IGLL5: variants seen among roughly 807,000 people sequenced by gnomAD.
The protein encoded by IGLL5 is immunoglobulin lambda like polypeptide 5.
Under a neutral mutation model 20.9 loss-of-function variants are expected in IGLL5, and 30 were observed. That is an observed-to-expected ratio of 1.44 (90% CI 1.07 to 1.95). The LOEUF is 1.95. Among genes scored for constraint, IGLL5 ranks in the 30% most tolerant of loss-of-function variants. IGLL5 has a pLI of 0.00. For synonymous variants in IGLL5, 203 were observed against 117.3 expected (o/e 1.73, Z -4.72); for missense variants, 475 against 270.7 (o/e 1.75, Z -5.30).
intron 1 of IGLL5, among the ~76,000 whole-genome samples, chr22:22,889,017 A>G (rs531490439): frequency 4.0e-5 from 6 of 151,394 alleles, no homozygotes; most frequent in African/African-American, 7.3e-5. Context: ...GGGAGGCAAG[A>G]AGACCATAGG....
intron 1 of IGLL5, among the ~76,000 whole-genome samples, chr22:22,889,467 G>C (rs1601608401): frequency 6.6e-6 from 1 of 151,318 alleles, no homozygotes; most frequent in Non-Finnish European, 1.5e-5. Flanking sequence ...AATAATCAAA[G>C]CTGTAACCAA....
intron 1 of IGLL5, among the ~76,000 whole-genome samples, chr22:22,888,728 T>G (rs527957473): frequency 1.3e-5 from 2 of 151,414 alleles, no homozygotes; most frequent in African/African-American, 2.4e-5. Flanking sequence ...CCCCCAAGGC[T>G]GTCTGTTCAC....
chr22:22,894,904 T>G, intron 2 of IGLL5, among the ~76,000 whole-genome samples: 1 of 151,262 alleles, frequency 6.6e-6, no homozygotes, highest in South Asian at 2.1e-4. Context: ...AAAGCAGGCT[T>G]GGGTCTCCCC....
chr22:22,888,685 C>A (rs2145983740), intron 1 of IGLL5, among the ~76,000 whole-genome samples: 1 of 151,376 alleles, frequency 6.6e-6, no homozygotes. Flanking sequence ...GGGGCCACTC[C>A]CTGGAGAAGG....
In IGLL5 at chr22:22,890,597, GTGTA is replaced by G. The variant is rs1424029109; in HGVS notation, c.206+2342_206+2345del. ...TGTGTGTGTGTGTGTGTGTGTGTGT[GTGTA>G]TGTGTACAAAGTGCACTTATATATC... On this transcript the variant is annotated intron_variant, in intron 1 of 2. Transcript: ENST00000526893. Among the ~76,000 whole-genome samples the G allele has an allele frequency of 5.0e-4, 68 of 135,510 alleles. 1 individual carries two copies. The highest frequency in any genetic ancestry group is 1.2e-3 in the African/African-American group (37 of 32,048). The allele number at this position is 135,510 out of a possible 152,430, so 88.9% of individuals were successfully genotyped here.
At chr22:22,894,636 C>T (rs1019578596) in intron 2 of IGLL5, among the ~76,000 whole-genome samples, 5 of 151,104 alleles carry the variant, frequency 3.3e-5, no homozygotes, top group Middle Eastern at 3.8e-3. Flanking sequence ...AACTCCATGG[C>T]TACCAGGTGA....
intron 2 of IGLL5, among the ~76,000 whole-genome samples, chr22:22,894,134 T>C (rs756357480): frequency 2.6e-5 from 4 of 151,410 alleles, no homozygotes; most frequent in Middle Eastern, 3.7e-3. Flanking sequence ...CCCTGCAGTG[T>C]CCTTAGGGAC....
intron 2 of IGLL5, among the ~76,000 whole-genome samples, chr22:22,894,315 C>T (rs1365905853): frequency 2.6e-5 from 4 of 151,284 alleles, no homozygotes; most frequent in South Asian, 2.1e-4. Context: ...CAGAGGTCAC[C>T]CCAAGGGGAG....
chr22:22,895,742 C>T lies in IGLL5; in HGVS notation c.*48C>T. ...ACGGGAGCCTGGAGCTGCAGGATCCCAGGGGAGGGGTCTCTCTCCCCATCC... is the reference window on the plus strand; with the variant it reads ...ACGGGAGCCTGGAGCTGCAGGATCCTAGGGGAGGGGTCTCTCTCCCCATCC... On this transcript the variant is annotated 3_prime_UTR_variant, in exon 3 of 3. Coordinates refer to ENST00000526893, the MANE Select transcript of IGLL5 (RefSeq NM_001178126.2). 6.3e-7 allele frequency: 1 copy of T among 1,584,824 alleles called. No individual in the cohort carries two copies. Among genetic ancestry groups the T allele is most frequent in the Non-Finnish European group, 8.7e-7 (1 of 1,154,230 alleles).
At chr22:22,888,836 G>T (rs1601604386) in intron 1 of IGLL5, among the ~76,000 whole-genome samples, 1 of 151,340 alleles carries the variant, frequency 6.6e-6, no homozygotes, top group African/African-American at 2.4e-5. Context: ...CAGGCCCACG[G>T]CCCATGTTTG....
chr22:22,893,880 T>G (rs1569086673), intron 2 of IGLL5, 62 bp downstream of exon 2: 3 of 1,169,048 alleles, frequency 2.6e-6, no homozygotes, highest in Non-Finnish European at 3.9e-6. Context: ...AAAATCTGTT[T>G]TCTCTCTCTG....
At chr22:22,894,111 T>A (rs935400292) in intron 2 of IGLL5, among the ~76,000 whole-genome samples, 4 of 151,336 alleles carry the variant, frequency 2.6e-5, no homozygotes, top group Admixed American at 2.0e-4. Context: ...CAGAGGCTGG[T>A]TCTGATGAGG....
In IGLL5 at chr22:22,895,495, C is replaced by T. The variant is rs771018846; in HGVS notation, c.446C>T (p.Ala149Val). 6.8e-6 allele frequency: 11 copies of T among 1,612,630 alleles called. No individual in the cohort carries two copies. Among genetic ancestry groups the T allele is most frequent in the Middle Eastern group, 1.7e-4 (1 of 5,746 alleles). Residue 149 changes from alanine to valine, a missense_variant, in exon 3 of 3, where the codon GCC (alanine) becomes GTC (valine). Ala to Val is a moderately conservative substitution (Grantham distance 64). Coordinates refer to ENST00000526893, the MANE Select transcript of IGLL5 (RefSeq NM_001178126.2). ...TTCTACCCGGGAGCTGTGACAGTGGCCTGGAAGGCAGATGGCAGCCCCGTC... is the reference window on the plus strand; with the variant it reads ...TTCTACCCGGGAGCTGTGACAGTGGTCTGGAAGGCAGATGGCAGCCCCGTC... ...SDFYPGAVTVAWKADGSPVKA... is the reference protein window; with the variant it reads ...SDFYPGAVTVVWKADGSPVKA...
intron 2 of IGLL5, among the ~76,000 whole-genome samples, chr22:22,894,896 A>G (rs936421679): frequency 2.0e-5 from 3 of 151,408 alleles, no homozygotes; most frequent in African/African-American, 2.4e-5. Flanking sequence ...TCCAGTTCAA[A>G]GCAGGCTTGG....
intron 1 of IGLL5, among the ~76,000 whole-genome samples, chr22:22,893,281 C>T (rs1218169835): frequency 6.6e-6 from 1 of 151,176 alleles, no homozygotes; most frequent in Non-Finnish European, 1.5e-5. Context: ...ACCGCGTCTC[C>T]ATGGGTAGAA....
intron 2 of IGLL5, 66 bp downstream of exon 2, chr22:22,893,884 C>T (rs540605540): frequency 5.5e-6 from 6 of 1,083,164 alleles, no homozygotes; most frequent in African/African-American, 3.1e-5. Flanking sequence ...TCTGTTTTCT[C>T]TCTCTGGGGC....
Position 22,895,397 on chromosome 22 carries a change from T to A in IGLL5, c.348T>A (p.Thr116=), listed in dbSNP as rs1321041581. The A allele has an allele frequency of 1.2e-6, 2 of 1,612,782 alleles. No individual in the cohort carries two copies. The highest frequency in any genetic ancestry group is 1.7e-6 in the Non-Finnish European group (2 of 1,179,542). The change falls in exon 3 of 3, where the codon ACT becomes ACA. Residue 116 remains threonine, a synonymous_variant. Coordinates refer to ENST00000526893, the MANE Select transcript of IGLL5 (RefSeq NM_001178126.2). The part of the protein sequence containing the change: ...TVLGQPKANP[T]VTLFPPSSEE... ...CAGGTCAGCCCAAGGCCAACCCCAC[T>A]GTCACTCTGTTCCCGCCCTCCTCTG...
chr22:22,888,095 G>T lies in IGLL5; in HGVS notation c.42G>T (p.Glu14Asp), dbSNP rs573017505. 2 of 1,549,436 alleles carry T rather than the reference G, an allele frequency of 1.3e-6. No homozygotes were observed. The highest frequency in any genetic ancestry group is 1.2e-5 in the South Asian group (1 of 83,990). Residue 14 changes from glutamate to aspartate, a missense_variant, in exon 1 of 3, where the codon GAG (glutamate) becomes GAT (aspartate). Glu to Asp is a conservative substitution (Grantham distance 45). Transcript: ENST00000526893. ...KTGQVGCETPEELGPGPRQRW... is the reference protein window; with the variant it reads ...KTGQVGCETPDELGPGPRQRW... ...GCCAAGTGGGTTGTGAGACCCCTGA[G>T]GAGCTGGGCCCTGGTCCCAGGCAGC...
At chr22:22,888,630 C>T (rs191496884) in intron 1 of IGLL5, among the ~76,000 whole-genome samples, 3 of 151,246 alleles carry the variant, frequency 2.0e-5, no homozygotes, top group Admixed American at 6.6e-5. Context: ...GCCTGTTCCT[C>T]CCCCTCCTCC....
Sources: gnomAD v4.1 joint callset for allele counts (sites outside exome capture counted in the v4.1 genomes callset) on GRCh38, gnomAD v4.1.1 for gene constraint, MANE v1.5 for transcripts, NCBI Gene and HGNC (gene_info 2026-07-23, HGNC 2026-07-21) for gene names.